The following ARHGAP17 variants were observed in gnomAD, a reference collection of about 807,000 sequenced individuals.
ARHGAP17 encodes the protein Rho GTPase activating protein 17, also known as rho GTPase-activating protein 17.
Under a neutral mutation model 99.5 loss-of-function variants are expected in ARHGAP17, and 57 were observed. That is an observed-to-expected ratio of 0.57 (90% CI 0.46 to 0.71). ARHGAP17 has a LOEUF of 0.71. Among genes scored for constraint, ARHGAP17 ranks in the 30% least tolerant of loss-of-function variants. ARHGAP17 has a pLI of 0.00. For missense variants in ARHGAP17, 1,000 were observed against 1,122.4 expected, an observed-to-expected ratio of 0.89 and a Z score of 1.56; for synonymous variants, 417 against 429.6, an observed-to-expected ratio of 0.97 and a Z score of 0.36.
At chr16:25,008,009 T>C (rs2053552175) in intron 1 of ARHGAP17, among the ~76,000 whole-genome samples, 1 of 152,162 alleles carries the variant, frequency 6.6e-6, no homozygotes, top group Non-Finnish European at 1.5e-5. Flanking sequence ...ACTTATTTAT[T>C]TTACCCAACC....
At chr16:24,942,233 G>A (rs1015415637) in intron 15 of ARHGAP17, 90 bp from the exon 16 acceptor site, 12 of 1,329,140 alleles carry the variant, frequency 9.0e-6, no homozygotes, top group African/African-American at 7.4e-5. Flanking sequence ...CGGGAACCTC[G>A]TTCTTCAGTC....
intron 9 of ARHGAP17, among the ~76,000 whole-genome samples, chr16:24,958,281 G>A (rs1038522731): frequency 6.6e-5 from 10 of 152,008 alleles, no homozygotes; most frequent in East Asian, 1.9e-4. Context: ...CCAATCTCTC[G>A]TTTTTCCTCT....
rs370125785 is a variant in ARHGAP17 at position 24,930,915 on chromosome 16, G to A, written c.2384C>T (p.Pro795Leu). 19 of 1,613,994 alleles carry A rather than the reference G, an allele frequency of 1.2e-5. No individual in the cohort carries two copies. Among genetic ancestry groups the A allele is most frequent in the South Asian group, 8.8e-5 (8 of 91,056 alleles). The part of the protein sequence containing the change: ...ETAQPHAGTL[P>L]RPRPVPKPRN... The stretch of plus-strand genomic sequence containing the variant: ...TGGCTTTGGTACTGGTCTCGGTCTC[G>A]GTAAGGTTCCAGCATGTGGCTGTGC... The change falls in exon 19 of 20, where the codon CCG becomes CTG. Residue 795 changes from proline to leucine, a missense_variant. Physicochemically the swap from Pro to Leu is moderately conservative, Grantham distance 98 (BLOSUM62 -3). Transcript: ENST00000289968.
chr16:24,995,660 G>C (rs1182041240), intron 1 of ARHGAP17, among the ~76,000 whole-genome samples: 1 of 152,208 alleles, frequency 6.6e-6, no homozygotes, highest in Non-Finnish European at 1.5e-5. Context: ...GGAGAGCCAA[G>C]GGCCAGCCCA....
At chr16:25,001,361 AGATT>A (rs1216945869) in intron 1 of ARHGAP17, among the ~76,000 whole-genome samples, 3 of 152,220 alleles carry the variant, frequency 2.0e-5, no homozygotes, top group Non-Finnish European at 2.9e-5. Context: ...TTTAGTTCAC[AGATT>A]TATTAGGCCA....
chr16:24,954,855 C>T (rs1029014950), intron 9 of ARHGAP17, 125 bp from the exon 10 acceptor site: 2 of 1,311,106 alleles, frequency 1.5e-6, no homozygotes, highest in Admixed American at 4.4e-5. Context: ...AGAGGGGATA[C>T]ATCTGTTCTA....
At chr16:24,999,605 A>G (rs2053303292) in intron 1 of ARHGAP17, among the ~76,000 whole-genome samples, 1 of 151,890 alleles carries the variant, frequency 6.6e-6, no homozygotes, top group South Asian at 2.1e-4. Flanking sequence ...TTCCTTTTAC[A>G]GACACGGGCC....
Position 24,919,531 on chromosome 16 carries a change from G to A in ARHGAP17, c.*599C>T, listed in dbSNP as rs1304036103. 2 of 151,532 alleles carry A rather than the reference G, an allele frequency of 1.3e-5. No homozygotes were observed. The highest frequency in any genetic ancestry group is 2.9e-5 in the Non-Finnish European group (2 of 67,922). The allele number at this position is 151,532 out of a possible 1,614,324, so 9.4% of individuals were successfully genotyped here. On this transcript the variant is annotated 3_prime_UTR_variant, in exon 20 of 20. Coordinates refer to ENST00000289968, the MANE Select transcript of ARHGAP17 (RefSeq NM_001006634.3). ...TCTGTCTACATTCCGACAATCCAAC[G>A]AGGCGGCATGGGTCACATCCAGTTT...
rs1567216312 is a variant in ARHGAP17 at position 24,939,603 on chromosome 16, CAG to C, written c.1491-8_1491-7del. The stretch of plus-strand genomic sequence containing the variant: ...CCATAAGCTTCACACCAAAGCTACA[CAG>C]AGAGAAGAAACAGTCAACACACCAT... On this transcript the variant is annotated splice_polypyrimidine_tract_variant and splice_region_variant and intron_variant, in intron 16 of 19. Transcript: ENST00000289968. The C allele has an allele frequency of 1.3e-6, 2 of 1,598,816 alleles. No homozygotes were observed. Among genetic ancestry groups the C allele is most frequent in the Non-Finnish European group, 1.7e-6 (2 of 1,173,152 alleles).
intron 17 of ARHGAP17, among the ~76,000 whole-genome samples, chr16:24,938,319 G>A (rs934196399): frequency 1.1e-4 from 16 of 151,912 alleles, no homozygotes; most frequent in African/African-American, 3.9e-4. Flanking sequence ...AACCGAGATT[G>A]CACCACTGCA....
chr16:24,981,920 C>A (rs377654138), intron 1 of ARHGAP17, among the ~76,000 whole-genome samples: 3 of 152,002 alleles, frequency 2.0e-5, no homozygotes, highest in Non-Finnish European at 4.4e-5. Context: ...TAACTGGACC[C>A]TCTGCTTTAG....
chr16:24,943,648 A>C (rs937901305), intron 15 of ARHGAP17, 123 bp downstream of exon 15: 3 of 791,254 alleles, frequency 3.8e-6, no homozygotes, highest in Middle Eastern at 2.4e-4. Context: ...CTGGAAAGAA[A>C]CATGAAAAAG....
Position 24,968,749 on chromosome 16 carries a change from T to C in ARHGAP17, c.296A>G (p.Asp99Gly), listed in dbSNP as rs149663874. The C allele has an allele frequency of 1.2e-6, 2 of 1,614,182 alleles. No homozygotes were observed. The highest frequency in any genetic ancestry group is 3.3e-5 in the Admixed American group (2 of 60,020). The change falls in exon 5 of 20, where the codon GAT becomes GGT. Residue 99 changes from aspartate (D) to glycine (G), a missense_variant. By Grantham distance (94) the Asp-to-Gly change is moderately conservative. Transcript: ENST00000289968. Reference sequence around the variant, plus strand: ...CTCGAGAGCCAGCTGATTCTCAGCATCTCCACACGTCTCCAGCATCTTCCT... The same window carrying C: ...CTCGAGAGCCAGCTGATTCTCAGCACCTCCACACGTCTCCAGCATCTTCCT... Reference protein sequence around the residue: ...LLGKMLETCGDAENQLALELS... With the variant: ...LLGKMLETCGGAENQLALELS...
intron 3 of ARHGAP17, among the ~76,000 whole-genome samples, chr16:24,971,196 A>C (rs1189153001): frequency 6.6e-6 from 1 of 151,984 alleles, no homozygotes; most frequent in Admixed American, 6.6e-5. Context: ...AATGAATCAA[A>C]GCACACTATG....
At chr16:24,924,726 G>A (rs991947322) in intron 19 of ARHGAP17, among the ~76,000 whole-genome samples, 3 of 151,980 alleles carry the variant, frequency 2.0e-5, no homozygotes, top group Non-Finnish European at 2.9e-5. Flanking sequence ...AGCCGAGCAC[G>A]GTAGTGAGTG....
At chr16:25,011,759 T>C (rs1303396230) in intron 1 of ARHGAP17, among the ~76,000 whole-genome samples, 1 of 151,976 alleles carries the variant, frequency 6.6e-6, no homozygotes, top group Non-Finnish European at 1.5e-5. Flanking sequence ...ACACTACTTA[T>C]TAGAGGCTCT....
rs151012257 is a variant in ARHGAP17 at position 24,919,743 on chromosome 16, A to G, written c.*387T>C. 1 of 157,852 alleles carries G rather than the reference A, an allele frequency of 6.3e-6. No individual in the cohort carries two copies. The highest frequency in any genetic ancestry group is 1.4e-5 in the Non-Finnish European group (1 of 71,376). 9.8% of individuals were successfully genotyped at this position (157,852 alleles called of 1,614,324 possible). A position where few individuals can be genotyped will look rare whatever the true frequency, so the allele number is the denominator to read the frequency against. On this transcript the variant is annotated 3_prime_UTR_variant, in exon 20 of 20. Transcript: ENST00000289968. ...GCGACTTGCATAATGAGCGCATTTT[A>G]TTAAATAGATAGTTAACGCACTGCT... is the stretch of plus-strand genomic sequence containing the variant.
At chr16:25,003,020 C>T (rs1169979080) in intron 1 of ARHGAP17, among the ~76,000 whole-genome samples, 1 of 102,164 alleles carries the variant, frequency 9.8e-6, no homozygotes, top group African/African-American at 3.9e-5. Context: ...GCCTGGGGAA[C>T]AGAGCGAGAC....
chr16:24,958,371 G>A (rs558005724), intron 9 of ARHGAP17, among the ~76,000 whole-genome samples: 15 of 152,228 alleles, frequency 9.9e-5, no homozygotes, highest in East Asian at 3.9e-4. Context: ...TGTCCTATGC[G>A]GGGCCCAGCC....
Sources: allele counts gnomAD v4.1 joint callset (sites outside exome capture counted in the v4.1 genomes callset), GRCh38; gene constraint gnomAD v4.1.1; transcripts MANE v1.5; gene names NCBI Gene and HGNC (gene_info 2026-07-23, HGNC 2026-07-21).